The following TUBA1B variants were observed in gnomAD, a reference collection of about 807,000 sequenced individuals.
TUBA1B encodes tubulin alpha-1B chain.
In TUBA1B, 1 loss-of-function variant was observed where a neutral mutation model predicts 34.4. The ratio of observed to expected loss-of-function variants is 0.03; its 90% CI spans 0.01 to 0.14. The LOEUF is 0.14. TUBA1B is among the 10% of genes least tolerant of loss of function. TUBA1B has a pLI of 1.00. For synonymous variants in TUBA1B, 197 were observed against 212.5 expected (o/e 0.93, Z 0.64); for missense variants, 54 against 583.6 (o/e 0.09, Z 9.35).
rs757544140 is a variant in TUBA1B, at chr12:49,129,543, G to A, written c.183C>T (p.His61=). The change falls in exon 2 of 4, where the codon CAC becomes CAT. Residue 61 remains histidine, a synonymous_variant. Transcript: ENST00000336023. ...AGTCTACAAACACAGCCCGGGGCAC[G>A]TGCTTGCCAGCGCCCGTCTCACTGA... is the stretch of plus-strand genomic sequence containing the variant. The part of the protein sequence containing the change: ...TFFSETGAGK[H]VPRAVFVDLE... 6.8e-6 allele frequency: 11 copies of A among 1,614,084 alleles called. No homozygotes were observed. The highest frequency in any genetic ancestry group is 5.0e-5 in the Admixed American group (3 of 59,998).
chr12:49,129,808 T>G, intron 1 of TUBA1B, 86 bp from the exon 2 acceptor site: 1 of 1,578,850 alleles, frequency 6.3e-7, no homozygotes, highest in Non-Finnish European at 8.6e-7. Context: ...AATCTTTATT[T>G]TTTTAGAGAT....
At position 49,131,352 on chromosome 12, in the gene TUBA1B, G is replaced by A. The variant is rs1215685753; in HGVS notation, c.-52C>T. 4 of 1,605,314 alleles carry A rather than the reference G, an allele frequency of 2.5e-6. No individual in the cohort carries two copies. The highest frequency in any genetic ancestry group is 2.2e-5 in the East Asian group (1 of 44,716). On this transcript the variant is annotated 5_prime_UTR_variant, in exon 1 of 4. Coordinates refer to ENST00000336023, the MANE Select transcript of TUBA1B (RefSeq NM_006082.3). The stretch of plus-strand genomic sequence containing the variant: ...CGACAGGAGCAGACACCGGGTCCCG[G>A]TTACCGTCCCCGACAAGCTAAGAGT...
rs546557907 is a variant in TUBA1B at position 49,131,356 on chromosome 12, C to T, written c.-56G>A. ...AGGAGCAGACACCGGGTCCCGGTTA[C>T]CGTCCCCGACAAGCTAAGAGTCGAG... On this transcript the variant is annotated 5_prime_UTR_variant, in exon 1 of 4. Transcript: ENST00000336023. 24 of 1,601,830 alleles carry T rather than the reference C, an allele frequency of 1.5e-5. No homozygotes were observed. Among genetic ancestry groups the T allele is most frequent in the Non-Finnish European group, 1.5e-5 (18 of 1,173,308 alleles).
Position 49,131,242 on chromosome 12 carries a change from C to T in TUBA1B, c.3+56G>A, listed in dbSNP as rs1425896667. 3.2e-6 allele frequency: 5 copies of T among 1,579,358 alleles called. No individual in the cohort carries two copies. The African/African-American group carries it at 4.0e-5, about 13-fold the overall frequency. ...TGTATACAGGGCCCCAGCGCCCCGCCGGCTCGCTTTTCCCTGCTTCCCTGA... is the reference window on the plus strand; with the variant it reads ...TGTATACAGGGCCCCAGCGCCCCGCTGGCTCGCTTTTCCCTGCTTCCCTGA... On this transcript the variant is annotated intron_variant, in intron 1 of 3. Coordinates refer to ENST00000336023, the MANE Select transcript of TUBA1B (RefSeq NM_006082.3).
At position 49,128,174 on chromosome 12, in the gene TUBA1B, G is replaced by A. The variant is rs753819332; in HGVS notation, c.1140C>T (p.Asn380=). 30 of 1,614,182 alleles carry A rather than the reference G, an allele frequency of 1.9e-5. No individual in the cohort carries two copies. The highest frequency in any genetic ancestry group is 2.3e-5 in the Non-Finnish European group (27 of 1,180,038). ...CCCAGGCCTCAGCAATGGCTGTGGTGTTGCTCAGCATGCACACAGCTCTCT... is the reference window on the plus strand; with the variant it reads ...CCCAGGCCTCAGCAATGGCTGTGGTATTGCTCAGCATGCACACAGCTCTCT... ...KVQRAVCMLS[N]TTAIAEAWAR... Residue 380 remains asparagine, a synonymous_variant, in exon 4 of 4, where the codon AAC becomes AAT. Coordinates refer to ENST00000336023, the MANE Select transcript of TUBA1B (RefSeq NM_006082.3). The surrounding 1 kb of genome is among the most constrained non-coding windows in gnomAD (Gnocchi z 8.1).
At position 49,127,791 on chromosome 12, in the gene TUBA1B, T is replaced by C. The variant is rs955219294; in HGVS notation, c.*167A>G. 26 of 1,117,946 alleles carry C rather than the reference T, an allele frequency of 2.3e-5. No individual in the cohort carries two copies. In the Middle Eastern group the frequency reaches 1.0e-3, roughly 44 times the overall value. The allele number at this position is 1,117,946 out of a possible 1,614,324, so 69.3% of individuals were successfully genotyped here. ...ACGCAGGAAACAAAGCTTTTGATGT[T>C]AATGACTTTACTTTGAGATATGATG... On this transcript the variant is annotated 3_prime_UTR_variant, in exon 4 of 4. Transcript: ENST00000336023.
chr12:49,131,095 GC>G (rs1359967577), intron 1 of TUBA1B: 1 of 545,864 alleles, frequency 1.8e-6, no homozygotes, highest in Non-Finnish European at 3.3e-6. Context: ...AAATCCTGGC[GC>G]CCCTCGACCT....
Position 49,128,045 on chromosome 12 carries a change from T to C in TUBA1B, c.1269A>G (p.Glu423=), listed in dbSNP as rs747107430. 6.8e-6 allele frequency: 11 copies of C among 1,614,080 alleles called. No homozygotes were observed. The highest frequency in any genetic ancestry group is 4.4e-5 in the South Asian group (4 of 91,090). Residue 423 remains glutamate, a synonymous_variant, in exon 4 of 4, where the codon GAA becomes GAG. Transcript: ENST00000336023. This position sits in a 1 kb window ranked among gnomAD's most constrained non-coding sequence, Gnocchi z 8.1. The part of the protein sequence containing the change: ...MEEGEFSEAR[E]DMAALEKDYE... ...AATCCTTCTCAAGGGCAGCCATATC[T>C]TCACGGGCCTCTGAAAACTCGCCTT...
Position 49,127,806 on chromosome 12 carries a change from G to T in TUBA1B, c.*152C>A. 1 of 1,249,696 alleles carries T rather than the reference G, an allele frequency of 8.0e-7. No homozygotes were observed. Among genetic ancestry groups the T allele is most frequent in the Non-Finnish European group, 1.1e-6 (1 of 900,288 alleles). 77.4% of individuals were successfully genotyped at this position (1,249,696 alleles called of 1,614,324 possible). A position where few individuals can be genotyped will look rare whatever the true frequency, so the allele number is the denominator to read the frequency against. ...CTTTTGATGTTAATGACTTTACTTTGAGATATGATGGAAAAATATTACAGG... is the reference window on the plus strand; with the variant it reads ...CTTTTGATGTTAATGACTTTACTTTTAGATATGATGGAAAAATATTACAGG... On this transcript the variant is annotated 3_prime_UTR_variant, in exon 4 of 4. Coordinates refer to ENST00000336023, the MANE Select transcript of TUBA1B (RefSeq NM_006082.3).
rs1377694436 is a variant in TUBA1B, at chr12:49,131,363, C to G, written c.-63G>C. ...GACACCGGGTCCCGGTTACCGTCCC[C>G]GACAAGCTAAGAGTCGAGGTAAGTA... On this transcript the variant is annotated 5_prime_UTR_variant, in exon 1 of 4. Coordinates refer to ENST00000336023, the MANE Select transcript of TUBA1B (RefSeq NM_006082.3). 2.5e-6 allele frequency: 4 copies of G among 1,595,162 alleles called. No homozygotes were observed. The highest frequency in any genetic ancestry group is 2.6e-6 in the Non-Finnish European group (3 of 1,168,752).
intron 1 of TUBA1B, chr12:49,130,087 C>G: frequency 8.3e-7 from 1 of 1,200,614 alleles, no homozygotes; most frequent in Non-Finnish European, 1.1e-6. Flanking sequence ...AACAGCTACA[C>G]TATAGTCTAC....
Position 49,127,846 on chromosome 12 carries a change from A to G in TUBA1B, c.*112T>C. ...AATATTACAGGTACACATGGAAAAGACATGATCACCAAGTGAAAACAATCT... is the reference window on the plus strand; with the variant it reads ...AATATTACAGGTACACATGGAAAAGGCATGATCACCAAGTGAAAACAATCT... On this transcript the variant is annotated 3_prime_UTR_variant, in exon 4 of 4. Transcript: ENST00000336023. 1 of 1,501,380 alleles carries G rather than the reference A, an allele frequency of 6.7e-7. No individual in the cohort carries two copies. Among genetic ancestry groups the G allele is most frequent in the Non-Finnish European group, 9.1e-7 (1 of 1,095,474 alleles). 93.0% of individuals were successfully genotyped at this position (1,501,380 alleles called of 1,614,324 possible).
chr12:49,130,138 A>G, intron 1 of TUBA1B: 1 of 1,200,552 alleles, frequency 8.3e-7, no homozygotes, highest in Non-Finnish European at 1.1e-6. Flanking sequence ...CTAAACCGGG[A>G]AGGCCTCCTT....
At position 49,128,096 on chromosome 12, in the gene TUBA1B, G is replaced by A; in HGVS notation, c.1218C>T (p.His406=). Residue 406 remains histidine, a synonymous_variant, in exon 4 of 4, where the codon CAC becomes CAT. Transcript: ENST00000336023. The surrounding 1 kb of genome is among the most constrained non-coding windows in gnomAD (Gnocchi z 8.1). The part of the protein sequence containing the change: ...DLMYAKRAFV[H]WYVGEGMEEG... ...CCTCCATCCCCTCACCCACGTACCA[G>A]TGAACAAAGGCACGCTTGGCATACA... 6.2e-7 allele frequency: 1 copy of A among 1,614,190 alleles called. No individual in the cohort carries two copies. Among genetic ancestry groups the A allele is most frequent in the African/African-American group, 1.3e-5 (1 of 75,042 alleles).
chr12:49,130,040 T>C (rs1941783986), intron 1 of TUBA1B: 3 of 1,182,536 alleles, frequency 2.5e-6, no homozygotes, highest in Non-Finnish European at 3.3e-6. Context: ...AAGCGATCTT[T>C]TCTAAAGATC....
At chr12:49,131,213 C>T (rs1213785943) in intron 1 of TUBA1B, 85 bp downstream of exon 1, 1 of 1,523,952 alleles carries the variant, frequency 6.6e-7, no homozygotes, top group Non-Finnish European at 8.9e-7. Context: ...CAGCCCTTCC[C>T]GGCTGTATAC....
chr12:49,129,953 C>T, intron 1 of TUBA1B: 2 of 1,041,718 alleles, frequency 1.9e-6, no homozygotes, highest in Non-Finnish European at 2.7e-6. Flanking sequence ...CTAATTTTTT[C>T]ATTTTTTTTG....
intron 1 of TUBA1B, chr12:49,130,993 A>AC: frequency 2.9e-6 from 1 of 350,178 alleles, no homozygotes; most frequent in Non-Finnish European, 5.5e-6. Context: ...GACTCGAGGG[A>AC]CCGCACCCAG....
chr12:49,130,226 G>A (rs934589793), intron 1 of TUBA1B: 17 of 1,284,724 alleles, frequency 1.3e-5, no homozygotes, highest in Non-Finnish European at 1.7e-5. Flanking sequence ...CCAGCGCTCA[G>A]GCCCCAGAAG....
Sources: allele counts gnomAD v4.1 joint callset, GRCh38; gene constraint gnomAD v4.1.1; non-coding constraint Gnocchi (gnomAD v3.1); transcripts MANE v1.5; gene names NCBI Gene and HGNC (gene_info 2026-07-23, HGNC 2026-07-21).